Variants in CELF2 observed in about 807,000 individuals in gnomAD.
CELF2 encodes the protein CUG triplet repeat RNA-binding protein 2.
Under a neutral mutation model 62.6 loss-of-function variants are expected in CELF2, and 8 were observed. That is an observed-to-expected ratio of 0.13 (90% CI 0.07 to 0.23). CELF2 has a LOEUF of 0.23. CELF2 is among the 10% of genes least tolerant of loss of function. CELF2 has a pLI of 1.00. For synonymous variants in CELF2, 258 were observed against 250.0 expected, an observed-to-expected ratio of 1.03 and a Z score of -0.30; for missense variants, 333 against 671.0, an observed-to-expected ratio of 0.50 and a Z score of 5.56.
chr10:10,498,212 G>A, the CELF2 span, among the ~76,000 whole-genome samples: 2 of 152,210 alleles, frequency 1.3e-5, no homozygotes, highest in African/African-American at 4.8e-5. Flanking sequence ...CATTTCAGGA[G>A]AATGTCAGCT....
intron 1 of CELF2, among the ~76,000 whole-genome samples, chr10:10,801,260 A>G (rs950594333): frequency 6.6e-6 from 1 of 152,234 alleles, no homozygotes; most frequent in African/African-American, 2.4e-5. Context: ...CTTCTTGGCA[A>G]GCATTATTCC....
intron 1 of CELF2, among the ~76,000 whole-genome samples, chr10:10,867,762 T>C (rs758405745): frequency 1.3e-5 from 2 of 152,256 alleles, no homozygotes; most frequent in Non-Finnish European, 2.9e-5. Context: ...CTGACCTGGA[T>C]AGCCGAGCAC....
chr10:11,103,723 A>AAGATTG (rs1461702488), intron 1 of CELF2, among the ~76,000 whole-genome samples: 1 of 152,068 alleles, frequency 6.6e-6, no homozygotes, highest in Non-Finnish European at 1.5e-5. Context: ...TCCTTCCCTC[A>AAGATTG]AGATTGAGTT....
At chr10:10,982,614 A>T (rs777153684) in intron 2 of CELF2, among the ~76,000 whole-genome samples, 3 of 152,178 alleles carry the variant, frequency 2.0e-5, no homozygotes, top group Non-Finnish European at 4.4e-5. Context: ...CCAGGATTTT[A>T]AAGTATGCTG....
At chr10:10,861,323 C>T (rs1183822417) in intron 1 of CELF2, among the ~76,000 whole-genome samples, 12 of 152,200 alleles carry the variant, frequency 7.9e-5, no homozygotes, top group Non-Finnish European at 1.6e-4. Flanking sequence ...ATCCTCCTGC[C>T]TCAGCTTCCC....
At chr10:10,786,289 C>T in the CELF2 span, among the ~76,000 whole-genome samples, 2 of 152,064 alleles carry the variant, frequency 1.3e-5, no homozygotes, top group African/African-American at 4.8e-5. Context: ...AGATAATGCC[C>T]ATGTTAAGGG....
chr10:11,318,447 CAG>C lies in CELF2; in HGVS notation c.1097-2741_1097-2740del, dbSNP rs947245962. 6.6e-6 allele frequency: 2 copies of C among 300,952 alleles called. No individual in the cohort carries two copies. Among genetic ancestry groups the C allele is most frequent in the African/African-American group, 4.4e-5 (2 of 45,128 alleles). 18.6% of individuals were successfully genotyped at this position (300,952 alleles called of 1,614,324 possible). A position where few individuals can be genotyped will look rare whatever the true frequency, so the allele number is the denominator to read the frequency against. ...CGCCTCTGCCACCTCCCCAGGGAAA[CAG>C]GGCTGGCCACAGCTGTCTCCTACAT... is the stretch of plus-strand genomic sequence containing the variant. On this transcript the variant is annotated intron_variant, in intron 10 of 12. Coordinates refer to ENST00000633077, the MANE Select transcript of CELF2 (RefSeq NM_001326342.2). This position sits in a 1 kb window ranked among gnomAD's most constrained non-coding sequence, Gnocchi z 5.4.
chr10:10,724,306 C>T, the CELF2 span, among the ~76,000 whole-genome samples: 1 of 152,124 alleles, frequency 6.6e-6, no homozygotes, highest in Non-Finnish European at 1.5e-5. Context: ...TGAAGGCCTC[C>T]TGGGCTGTTA....
intron 3 of CELF2, among the ~76,000 whole-genome samples, chr10:11,226,264 T>C (rs1219006756): frequency 6.6e-6 from 1 of 152,230 alleles, no homozygotes; most frequent in African/African-American, 2.4e-5. Context: ...GAGTAACTTG[T>C]TTGGGGTTAA....
At chr10:10,770,174 G>T in the CELF2 span, among the ~76,000 whole-genome samples, 8 of 152,102 alleles carry the variant, frequency 5.3e-5, no homozygotes, top group African/African-American at 1.7e-4. Context: ...ACAAGAAGAG[G>T]TATACAGGCT....
Position 11,217,440 on chromosome 10 carries a change from C to T in CELF2, c.287C>T (p.Thr96Ile). The T allele has an allele frequency of 6.2e-7, 1 of 1,612,530 alleles. No homozygotes were observed. Among genetic ancestry groups the T allele is most frequent in the Non-Finnish European group, 8.5e-7 (1 of 1,178,846 alleles). ...CTCTCTGTAGGTTGTTGTTTCGTAA[C>T]ATTTTATACAAGAAAAGCTGCACTT... is the stretch of plus-strand genomic sequence containing the variant. ...PPQSKGCCFVTFYTRKAALEA... is the reference protein window; with the variant it reads ...PPQSKGCCFVIFYTRKAALEA... Residue 96 changes from threonine to isoleucine, a missense_variant, in exon 3 of 13, where the codon ACA (threonine) becomes ATA (isoleucine). Coordinates refer to ENST00000633077, the MANE Select transcript of CELF2 (RefSeq NM_001326342.2). The surrounding 1 kb of genome is among the most constrained non-coding windows in gnomAD (Gnocchi z 5.6).
In CELF2 at chr10:11,207,557, T is replaced by A. The variant is rs7906166; in HGVS notation, c.272-9868T>A. Among the ~76,000 whole-genome samples the A allele has an allele frequency of 6.6e-6, 1 of 152,152 alleles. No individual in the cohort carries two copies. The highest frequency in any genetic ancestry group is 1.5e-5 in the Non-Finnish European group (1 of 68,016). ...CAGGGAAAGTGAGGAAGGATGTTGG[T>A]GGAGCATCGCACGACTGCCTCAGGC... On this transcript the variant is annotated intron_variant, in intron 2 of 12. Transcript: ENST00000633077. The surrounding 1 kb of genome is among the most constrained non-coding windows in gnomAD (Gnocchi z 4.1).
rs3814629 is a variant in CELF2 at position 11,335,472 on chromosome 10, A to G, written c.*6419A>G. The G allele has an allele frequency of 0.36, 54,014 of 151,972 alleles. 9,826 individuals are homozygous for G. Among genetic ancestry groups the G allele is most frequent in the African/African-American group, 0.4 (16,775 of 41,422 alleles). The allele number at this position is 151,972 out of a possible 1,614,324, so 9.4% of individuals were successfully genotyped here. On this transcript the variant is annotated 3_prime_UTR_variant, in exon 13 of 13. Transcript: ENST00000633077. The surrounding 1 kb of genome is among the most constrained non-coding windows in gnomAD (Gnocchi z 5.0). Reference sequence around the variant, plus strand: ...AGCAGCCCCTCTGGCCCGAGATTGTATTTTCTAGTCTGCTCAAGAACAGAG... The same window carrying G: ...AGCAGCCCCTCTGGCCCGAGATTGTGTTTTCTAGTCTGCTCAAGAACAGAG...
At chr10:11,154,711 T>C (rs1215003334) in intron 1 of CELF2, among the ~76,000 whole-genome samples, 1 of 152,222 alleles carries the variant, frequency 6.6e-6, no homozygotes, top group Non-Finnish European at 1.5e-5. Flanking sequence ...ATCCAACTTT[T>C]AAACCTCATC....
chr10:11,248,517 T>G (rs1388845005), intron 3 of CELF2, among the ~76,000 whole-genome samples: 3 of 152,186 alleles, frequency 2.0e-5, no homozygotes, highest in Non-Finnish European at 4.4e-5. Context: ...TTAATAAAAA[T>G]TATATACTGA....
the CELF2 span, among the ~76,000 whole-genome samples, chr10:10,742,244 C>T: frequency 6.6e-6 from 1 of 152,252 alleles, no homozygotes; most frequent in African/African-American, 2.4e-5. Context: ...CACATAAAGT[C>T]ATAGTTTCCA....
At chr10:10,703,781 G>A in the CELF2 span, among the ~76,000 whole-genome samples, 1 of 152,152 alleles carries the variant, frequency 6.6e-6, no homozygotes, top group South Asian at 2.1e-4. Context: ...CCCATTCAGT[G>A]CACAAAAACA....
rs909699238 is a variant in CELF2, at chr10:11,165,247, C to A, written c.75-239C>A. 122 of 1,355,714 alleles carry A rather than the reference C, an allele frequency of 9.0e-5. No homozygotes were observed. Among genetic ancestry groups the A allele is most frequent in the Non-Finnish European group, 1.1e-4 (119 of 1,052,880 alleles). The allele number at this position is 1,355,714 out of a possible 1,614,324, so 84.0% of individuals were successfully genotyped here. On this transcript the variant is annotated intron_variant, in intron 1 of 12. Transcript: ENST00000633077. The surrounding 1 kb of genome is among the most constrained non-coding windows in gnomAD (Gnocchi z 7.4). ...GGGTGACAGGCGGCAGGGCGCTGCC[C>A]CGTGCTCCCCCGGCTCTGCTCGACA...
chr10:10,835,134 T>C (rs1450769107), intron 1 of CELF2, among the ~76,000 whole-genome samples: 1 of 152,202 alleles, frequency 6.6e-6, no homozygotes, highest in East Asian at 1.9e-4. Flanking sequence ...GTACCCCTTG[T>C]GGCCAGATGT....
Sources: allele counts gnomAD v4.1 joint callset (sites outside exome capture counted in the v4.1 genomes callset), GRCh38; gene constraint gnomAD v4.1.1; non-coding constraint Gnocchi (gnomAD v3.1); transcripts MANE v1.5; gene names NCBI Gene and HGNC (gene_info 2026-07-23, HGNC 2026-07-21).